C5orf34: variants seen among roughly 807,000 people sequenced by gnomAD.
C5orf34 encodes chromosome 5 open reading frame 34.
In C5orf34, 73 loss-of-function variants were observed where a neutral mutation model predicts 78.4. That is an observed-to-expected ratio of 0.93 (90% confidence interval 0.77 to 1.13). The LOEUF (loss-of-function observed/expected upper bound fraction) is 1.13. Ranked by LOEUF, C5orf34 falls within the 50% of genes most tolerant of loss-of-function variation. The probability of loss-of-function intolerance (pLI) is 0.00; values close to 1 mark genes in which losing one functional copy is unlikely to be tolerated. For synonymous variants in C5orf34, 251 were observed against 246.6 expected (o/e 1.02, Z -0.17); for missense variants, 730 against 732.7 (o/e 1.00, Z 0.04).
chr5:43,501,908 A>G (rs2112306500), intron 6 of C5orf34, among the ~76,000 whole-genome samples: 1 of 152,340 alleles, frequency 6.6e-6, no homozygotes, highest in East Asian at 1.9e-4. Flanking sequence ...TGGTAATTAT[A>G]CCATGTTATG....
chr5:43,506,539 G>C (rs2112322718), intron 3 of C5orf34, 145 bp from the exon 4 acceptor site: 1 of 699,530 alleles, frequency 1.4e-6, no homozygotes, highest in East Asian at 2.9e-5. Context: ...TGGAGGGCCA[G>C]ATCTCAGCCT....
chr5:43,492,702 A>G lies in C5orf34; in HGVS notation c.1485+18T>C. ...AGATTACCAATAAAAAATAGATCTA[A>G]GTCTGAAGTATACCCACCTGTCTCT... is the stretch of plus-strand genomic sequence containing the variant. On this transcript the variant is annotated intron_variant, in intron 9 of 12. Coordinates refer to ENST00000306862, the MANE Select transcript of C5orf34 (RefSeq NM_198566.4). The G allele has an allele frequency of 1.3e-6, 2 of 1,594,368 alleles. No individual in the cohort carries two copies. The highest frequency in any genetic ancestry group is 1.8e-5 in the Admixed American group (1 of 56,020).
chr5:43,512,556 T>C (rs1242349869), intron 1 of C5orf34, among the ~76,000 whole-genome samples: 1 of 152,170 alleles, frequency 6.6e-6, no homozygotes, highest in Non-Finnish European at 1.5e-5. Flanking sequence ...TTGTCTACAT[T>C]CCCTTGCACC....
At position 43,492,282 on chromosome 5, in the gene C5orf34, A is replaced by C; in HGVS notation, c.1513T>G (p.Cys505Gly). The C allele has an allele frequency of 1.2e-6, 2 of 1,610,672 alleles. No homozygotes were observed. Among genetic ancestry groups the C allele is most frequent in the Non-Finnish European group, 1.7e-6 (2 of 1,177,720 alleles). ...QVNQGLNLGW[C>G]KLTFPDGQEQ... is the part of the protein sequence containing the mutation. Reference sequence around the variant, plus strand: ...TGTCCATCAGGAAAAGTTAACTTACACCAACCTAAGTTAAGACCTTGATTT... The same window carrying C: ...TGTCCATCAGGAAAAGTTAACTTACCCCAACCTAAGTTAAGACCTTGATTT... The change falls in exon 10 of 13, where the codon TGT (cysteine) becomes GGT (glycine). Residue 505 changes from cysteine (C) to glycine (G), a missense_variant. Cys to Gly is a radical substitution (Grantham distance 159). Transcript: ENST00000306862.
Position 43,492,757 on chromosome 5 carries a change from A to G in C5orf34, c.1448T>C (p.Leu483Pro). The G allele has an allele frequency of 6.2e-7, 1 of 1,612,710 alleles. No individual in the cohort carries two copies. Among genetic ancestry groups the G allele is most frequent in the African/African-American group, 1.3e-5 (1 of 75,010 alleles). The change falls in exon 9 of 13, where the codon CTA (leucine) becomes CCA (proline). Residue 483 changes from leucine to proline, a missense_variant. Coordinates refer to ENST00000306862, the MANE Select transcript of C5orf34 (RefSeq NM_198566.4). ...AIFLDGITLT[L>P]NWNFSSPIEK... ...AATAGGAGAGCTGAAATTCCAATTT[A>G]GGGTTAGAGTAATGCCATCTAAAAA...
chr5:43,495,845 C>T, intron 6 of C5orf34: 1 of 1,591,756 alleles, frequency 6.3e-7, no homozygotes, highest in Non-Finnish European at 8.6e-7. Context: ...CATGTTAGCA[C>T]TCGGCTCCAG....
intron 1 of C5orf34, among the ~76,000 whole-genome samples, chr5:43,509,854 C>G (rs151280756): frequency 6.5e-4 from 99 of 151,864 alleles, no homozygotes; most frequent in Admixed American, 2.0e-3. Context: ...CTCTCAGGTT[C>G]AAGTGATTCT....
intron 11 of C5orf34, among the ~76,000 whole-genome samples, chr5:43,489,852 G>A (rs1198208669): frequency 6.6e-6 from 1 of 152,050 alleles, no homozygotes; most frequent in Admixed American, 6.6e-5. Flanking sequence ...TGGTATCCCT[G>A]TCTTCCCATA....
In C5orf34 at chr5:43,487,109, G is replaced by A. The variant is rs1267437583; in HGVS notation, c.1723C>T (p.Leu575=). ...ELEKIQKFNL[L]LENSGILNQI... is the part of the protein sequence containing the mutation. ...TTTAGGATACCACTATTTTCTAGTA[G>A]CACTAAGTTGCTTAGTTAAGGAGGT... Residue 575 remains leucine, a splice_region_variant and synonymous_variant, in exon 13 of 13, where the codon CTA becomes TTA. Transcript: ENST00000306862. The A allele has an allele frequency of 2.0e-6, 3 of 1,496,998 alleles. No homozygotes were observed. Among genetic ancestry groups the A allele is most frequent in the Non-Finnish European group, 1.8e-6 (2 of 1,119,224 alleles). 92.7% of individuals were successfully genotyped at this position (1,496,998 alleles called of 1,614,324 possible). A position where few individuals can be genotyped will look rare whatever the true frequency, so the allele number is the denominator to read the frequency against.
At chr5:43,502,943 G>C (rs890541687) in intron 5 of C5orf34, among the ~76,000 whole-genome samples, 1 of 152,172 alleles carries the variant, frequency 6.6e-6, no homozygotes, top group Non-Finnish European at 1.5e-5. Context: ...AGAAAAGATG[G>C]CTGTACCTGG....
At chr5:43,500,616 G>A (rs764581454) in intron 6 of C5orf34, among the ~76,000 whole-genome samples, 3 of 152,090 alleles carry the variant, frequency 2.0e-5, no homozygotes, top group South Asian at 4.1e-4. Context: ...GGCTTGTCTC[G>A]AACTCCTGGC....
intron 10 of C5orf34, 84 bp from the exon 11 acceptor site, chr5:43,490,813 ATTTGGG>A: frequency 2.9e-6 from 2 of 686,918 alleles, no homozygotes; most frequent in Admixed American, 2.9e-5. Context: ...AAATAAGACA[ATTTGGG>A]AAAAAAGGAT....
At chr5:43,495,848 G>A (rs12656650) in intron 6 of C5orf34, 21,547 of 1,591,858 alleles carry the variant, frequency 0.014, 477 homozygotes, top group East Asian at 0.12. Context: ...GTTAGCACTC[G>A]GCTCCAGCAT....
chr5:43,505,695 T>C, intron 4 of C5orf34, 53 bp downstream of exon 4: 1 of 1,487,616 alleles, frequency 6.7e-7, no homozygotes, highest in Non-Finnish European at 9.0e-7. Context: ...ATTATCCAGG[T>C]TAAGACTGGT....
chr5:43,502,182 G>A (rs369703037), intron 6 of C5orf34, among the ~76,000 whole-genome samples, 190 bp downstream of exon 6: 1 of 152,144 alleles, frequency 6.6e-6, no homozygotes, highest in East Asian at 1.9e-4. Context: ...GATAGCAGGT[G>A]AAAATACAGT....
chr5:43,513,477 A>G (rs545304209), intron 1 of C5orf34, among the ~76,000 whole-genome samples: 1 of 152,308 alleles, frequency 6.6e-6, no homozygotes, highest in South Asian at 2.1e-4. Context: ...AATGAAAATC[A>G]CATCTATCAC....
chr5:43,497,045 T>A (rs1239637075), intron 6 of C5orf34, among the ~76,000 whole-genome samples: 1 of 152,208 alleles, frequency 6.6e-6, no homozygotes, highest in Non-Finnish European at 1.5e-5. Context: ...TTTAATTGAA[T>A]GAATATACCA....
chr5:43,502,978 T>C (rs1018764247), intron 5 of C5orf34, among the ~76,000 whole-genome samples: 4 of 152,226 alleles, frequency 2.6e-5, no homozygotes, highest in African/African-American at 9.6e-5. Context: ...ATCAAGGTAC[T>C]GGGTATATAC....
At chr5:43,509,104 C>A (rs1312763664) in intron 2 of C5orf34, 41 bp downstream of exon 2, 1 of 1,553,884 alleles carries the variant, frequency 6.4e-7, no homozygotes, top group East Asian at 2.2e-5. Context: ...GAACCTGTCT[C>A]TAAAAAACAA....
Sources: allele counts gnomAD v4.1 joint callset (sites outside exome capture counted in the v4.1 genomes callset), GRCh38; gene constraint gnomAD v4.1.1; transcripts MANE v1.5; gene names NCBI Gene and HGNC (gene_info 2026-07-23, HGNC 2026-07-21).